FGFBP3: variants seen among roughly 807,000 people sequenced by gnomAD.
FGFBP3 encodes the protein fibroblast growth factor binding protein 3, also known as fibroblast growth factor-binding protein 3.
In FGFBP3, 4 loss-of-function variants were observed where a neutral mutation model predicts 4.8. The observed-to-expected ratio is 0.83, with a 90% CI of 0.41 to 1.90. FGFBP3 has a LOEUF of 1.90. Among genes scored for constraint, FGFBP3 ranks in the 40% most tolerant of loss-of-function variants. The pLI is 0.03. For synonymous variants in FGFBP3, 215 were observed against 190.0 expected, an observed-to-expected ratio of 1.13 and a Z score of -1.08; for missense variants, 429 against 397.4, an observed-to-expected ratio of 1.08 and a Z score of -0.68.
chr10:91,907,836 A>C lies in FGFBP3; in HGVS notation c.*357T>G. 4.7e-6 allele frequency: 1 copy of C among 213,560 alleles called. No homozygotes were observed. The highest frequency in any genetic ancestry group is 9.1e-6 in the Non-Finnish European group (1 of 109,500). The allele number at this position is 213,560 out of a possible 1,614,324, so 13.2% of individuals were successfully genotyped here. ...GCATCCCCCTCCCCACATGGGACTC[A>C]CATCACTTTAGTCACTCTATCTCCC... On this transcript the variant is annotated 3_prime_UTR_variant, in exon 2 of 2. Transcript: ENST00000311575.
At position 91,908,568 on chromosome 10, in the gene FGFBP3, C is replaced by G; in HGVS notation, c.402G>C (p.Leu134Phe). ...CHDPAPLQAR[L>F]CAGKKGHGAE... ...CGCCGTGGCCCTTCTTGCCCGCGCA[C>G]AAGCGGGCCTGGAGCGGCGCGGGGT... Residue 134 changes from leucine (L) to phenylalanine (F), a missense_variant, in exon 2 of 2, where the codon TTG becomes TTC. Coordinates refer to ENST00000311575, the MANE Select transcript of FGFBP3 (RefSeq NM_152429.5). 2.1e-6 allele frequency: 3 copies of G among 1,396,930 alleles called. No individual in the cohort carries two copies. Among genetic ancestry groups the G allele is most frequent in the Non-Finnish European group, 2.8e-6 (3 of 1,082,908 alleles). 86.5% of individuals were successfully genotyped at this position (1,396,930 alleles called of 1,614,324 possible).
Position 91,908,912 on chromosome 10 carries a change from C to G in FGFBP3, c.58G>C (p.Gly20Arg). 1 of 1,604,388 alleles carries G rather than the reference C, an allele frequency of 6.2e-7. No homozygotes were observed. Among genetic ancestry groups the G allele is most frequent in the Non-Finnish European group, 8.5e-7 (1 of 1,177,388 alleles). The change falls in exon 2 of 2, where the codon GGT (glycine) becomes CGT (arginine). Residue 20 changes from glycine (G) to arginine (R), a missense_variant. Physicochemically the swap from Gly to Arg is moderately radical, Grantham distance 125 (BLOSUM62 -2). Coordinates refer to ENST00000311575, the MANE Select transcript of FGFBP3 (RefSeq NM_152429.5). The stretch of plus-strand genomic sequence containing the variant: ...CTCCGAGCAGCCGCGAGGAGGCAAC[C>G]ACTCAGCAGCAGCAGCAGCGACGGC... The part of the protein sequence containing the change: ...LSPSLLLLLS[G>R]CLLAAARREK...
Position 91,908,834 on chromosome 10 carries a change from C to A in FGFBP3, c.136G>T (p.Gly46Cys), listed in dbSNP as rs1457200773. 8.5e-6 allele frequency: 13 copies of A among 1,535,580 alleles called. No homozygotes were observed. Among genetic ancestry groups the A allele is most frequent in the Non-Finnish European group, 1.1e-5 (13 of 1,148,052 alleles). Residue 46 changes from glycine (G) to cysteine (C), a missense_variant, in exon 2 of 2, where the codon GGC (glycine) becomes TGC (cysteine). By Grantham distance (159) the Gly-to-Cys change is radical. Transcript: ENST00000311575. ...VAEPVPGPTGGSSGRFLSPEQ... is the reference protein window; with the variant it reads ...VAEPVPGPTGCSSGRFLSPEQ... ...GGGCTGAGGAAGCGACCCGAGGAGC[C>A]GCCAGTGGGCCCGGGGACCGGCTCC...
Position 91,908,198 on chromosome 10 carries a change from C to A in FGFBP3, c.772G>T (p.Gly258Cys), listed in dbSNP as rs1843313816. The A allele has an allele frequency of 2.5e-6, 4 of 1,595,980 alleles. No homozygotes were observed. The highest frequency in any genetic ancestry group is 3.5e-5 in the Admixed American group (2 of 57,708). Residue 258 changes from glycine to cysteine, a missense_variant, in exon 2 of 2, where the codon GGC (glycine) becomes TGC (cysteine). By Grantham distance (159) the Gly-to-Cys change is radical. Transcript: ENST00000311575. ...CCCTAAGCCGGCAGGCAGTCTCAGC[C>A]GTTCCAGAAATTGACAAAGAAGTTG... The part of the protein sequence containing the change: ...LCNFFVNFWN[G>C]
Position 91,908,607 on chromosome 10 carries a change from C to A in FGFBP3, c.363G>T (p.Arg121=). Residue 121 remains arginine, a synonymous_variant, in exon 2 of 2, where the codon CGG becomes CGT. Transcript: ENST00000311575. Reference sequence around the variant, plus strand: ...GCGGCGCGGGGTCGTGACAGGGCCTCCGCTTCTTGCGCAGCCCTCCCAGCA... The same window carrying A: ...GCGGCGCGGGGTCGTGACAGGGCCTACGCTTCTTGCGCAGCCCTCCCAGCA... The part of the protein sequence containing the change: ...KQVLGGLRKK[R]RPCHDPAPLQ... 1 of 1,428,344 alleles carries A rather than the reference C, an allele frequency of 7.0e-7. No homozygotes were observed. The highest frequency in any genetic ancestry group is 9.1e-7 in the Non-Finnish European group (1 of 1,096,292). The allele number at this position is 1,428,344 out of a possible 1,614,324, so 88.5% of individuals were successfully genotyped here.
In FGFBP3 at chr10:91,908,887, C is replaced by T; in HGVS notation, c.83G>A (p.Arg28Lys). 1 of 1,592,628 alleles carries T rather than the reference C, an allele frequency of 6.3e-7. No individual in the cohort carries two copies. Reference sequence around the variant, plus strand: ...CACGTTGCTAGCCGCCCCTTTCTCCCTCCGAGCAGCCGCGAGGAGGCAACC... The same window carrying T: ...CACGTTGCTAGCCGCCCCTTTCTCCTTCCGAGCAGCCGCGAGGAGGCAACC... ...LSGCLLAAARREKGAASNVAE... is the reference protein window; with the variant it reads ...LSGCLLAAARKEKGAASNVAE... The change falls in exon 2 of 2, where the codon AGG becomes AAG. Residue 28 changes from arginine (R) to lysine (K), a missense_variant. Coordinates refer to ENST00000311575, the MANE Select transcript of FGFBP3 (RefSeq NM_152429.5).
chr10:91,908,093 T>G lies in FGFBP3; in HGVS notation c.*100A>C. On this transcript the variant is annotated 3_prime_UTR_variant, in exon 2 of 2. Coordinates refer to ENST00000311575, the MANE Select transcript of FGFBP3 (RefSeq NM_152429.5). ...CCACCCCCATTCGAGAACCTGGACTTCTCCCCAATCTCTATCACAGTACCC... is the reference window on the plus strand; with the variant it reads ...CCACCCCCATTCGAGAACCTGGACTGCTCCCCAATCTCTATCACAGTACCC... The G allele has an allele frequency of 7.4e-7, 1 of 1,354,884 alleles. No homozygotes were observed. Among genetic ancestry groups the G allele is most frequent in the Non-Finnish European group, 9.8e-7 (1 of 1,025,236 alleles). The allele number at this position is 1,354,884 out of a possible 1,614,324, so 83.9% of individuals were successfully genotyped here.
Position 91,908,107 on chromosome 10 carries a change from A to G in FGFBP3, c.*86T>C, listed in dbSNP as rs1298097426. ...GAACCTGGACTTCTCCCCAATCTCT[A>G]TCACAGTACCCCCCGGTCTAAGACG... On this transcript the variant is annotated 3_prime_UTR_variant, in exon 2 of 2. Transcript: ENST00000311575. The G allele has an allele frequency of 6.9e-7, 1 of 1,446,478 alleles. No individual in the cohort carries two copies. The highest frequency in any genetic ancestry group is 1.5e-5 in the African/African-American group (1 of 66,114). 89.6% of individuals were successfully genotyped at this position (1,446,478 alleles called of 1,614,324 possible).
In FGFBP3 at chr10:91,906,987, T is replaced by C. The variant is rs1843303732; in HGVS notation, c.*1206A>G. 1 of 152,092 alleles carries C rather than the reference T, an allele frequency of 6.6e-6. No homozygotes were observed. The highest frequency in any genetic ancestry group is 2.4e-5 in the African/African-American group (1 of 41,396). 9.4% of individuals were successfully genotyped at this position (152,092 alleles called of 1,614,324 possible). On this transcript the variant is annotated 3_prime_UTR_variant, in exon 2 of 2. Coordinates refer to ENST00000311575, the MANE Select transcript of FGFBP3 (RefSeq NM_152429.5). ...TACATCACACTAAAAATGAAATATA[T>C]TAATAATTAGTTACATGAAACAGAG...
Position 91,907,836 on chromosome 10 carries a change from A to T in FGFBP3, c.*357T>A. 1 of 213,558 alleles carries T rather than the reference A, an allele frequency of 4.7e-6. No individual in the cohort carries two copies. Among genetic ancestry groups the T allele is most frequent in the Non-Finnish European group, 9.1e-6 (1 of 109,500 alleles). The allele number at this position is 213,558 out of a possible 1,614,324, so 13.2% of individuals were successfully genotyped here. On this transcript the variant is annotated 3_prime_UTR_variant, in exon 2 of 2. Transcript: ENST00000311575. ...GCATCCCCCTCCCCACATGGGACTC[A>T]CATCACTTTAGTCACTCTATCTCCC... is the stretch of plus-strand genomic sequence containing the variant.
rs751360927 is a variant in FGFBP3, at chr10:91,908,265, C to A, written c.705G>T (p.Glu235Asp). The change falls in exon 2 of 2, where the codon GAG (glutamate) becomes GAT (aspartate). Residue 235 changes from glutamate (E) to aspartate (D), a missense_variant. Physicochemically the swap from Glu to Asp is conservative, Grantham distance 45 (BLOSUM62 2). Coordinates refer to ENST00000311575, the MANE Select transcript of FGFBP3 (RefSeq NM_152429.5). ...TCTCAGCGCAGTAGGTCTCCGTGAG[C>A]TCCGCGTTCCCGTCCAGCCCGTCGG... ...PDPDGLDGNA[E>D]LTETYCAEKW... is the part of the protein sequence containing the mutation. The A allele has an allele frequency of 5.0e-6, 8 of 1,605,590 alleles. No homozygotes were observed. In the South Asian group the frequency reaches 8.9e-5, roughly 18 times the overall value.
intron 1 of FGFBP3, 167 bp downstream of exon 1, chr10:91,909,231 A>C: frequency 2.1e-6 from 1 of 481,400 alleles, no homozygotes; most frequent in Non-Finnish European, 3.6e-6. Context: ...CCATGTATGC[A>C]TTGAGATTTT....
In FGFBP3 at chr10:91,908,031, C is replaced by G. The variant is rs1204255806; in HGVS notation, c.*162G>C. Reference sequence around the variant, plus strand: ...TCCCAGAGATTCTCCATACCCCTTACACTCTCATCCCAAGCATCTCACCCT... The same window carrying G: ...TCCCAGAGATTCTCCATACCCCTTAGACTCTCATCCCAAGCATCTCACCCT... On this transcript the variant is annotated 3_prime_UTR_variant, in exon 2 of 2. Transcript: ENST00000311575. The G allele has an allele frequency of 1.1e-5, 8 of 752,878 alleles. No individual in the cohort carries two copies. The East Asian group carries it at 2.6e-4, about 24-fold the overall frequency. 46.6% of individuals were successfully genotyped at this position (752,878 alleles called of 1,614,324 possible).
rs983394739 is a variant in FGFBP3, at chr10:91,908,641, C to G, written c.329G>C (p.Trp110Ser). The stretch of plus-strand genomic sequence containing the variant: ...GCGCAGCCCTCCCAGCACCTGCTTC[C>G]AGAAGTGCGCGCGGCGAGCGGCGTA... Reference protein sequence around the residue: ...AAYAARRAHFWKQVLGGLRKK... With the variant: ...AAYAARRAHFSKQVLGGLRKK... The change falls in exon 2 of 2, where the codon TGG (tryptophan) becomes TCG (serine). Residue 110 changes from tryptophan (W) to serine (S), a missense_variant. Transcript: ENST00000311575. The G allele has an allele frequency of 1.4e-6, 2 of 1,436,746 alleles. No individual in the cohort carries two copies. The allele number at this position is 1,436,746 out of a possible 1,614,324, so 89.0% of individuals were successfully genotyped here.
In FGFBP3 at chr10:91,908,298, C is replaced by A. The variant is rs756988127; in HGVS notation, c.672G>T (p.Gly224=). Residue 224 remains glycine, a synonymous_variant, in exon 2 of 2, where the codon GGG becomes GGT. Transcript: ENST00000311575. ...TCCCGTCCAGCCCGTCGGGGTCGGG[C>A]CCGGTCCCCATGGGTCGCTCCTCGT... ...VPNEERPMGT[G]PDPDGLDGNA... The A allele has an allele frequency of 6.2e-7, 1 of 1,603,564 alleles. No individual in the cohort carries two copies. Among genetic ancestry groups the A allele is most frequent in the Non-Finnish European group, 8.5e-7 (1 of 1,175,240 alleles).
At chr10:91,909,224 T>C (rs1013804987) in intron 1 of FGFBP3, 174 bp downstream of exon 1, 5 of 487,874 alleles carry the variant, frequency 1.0e-5, no homozygotes, top group African/African-American at 1.0e-4. Context: ...TTTCGAACCA[T>C]GTATGCATTG....
Position 91,908,894 on chromosome 10 carries a change from C to G in FGFBP3, c.76G>C (p.Ala26Pro), listed in dbSNP as rs1421809801. The G allele has an allele frequency of 1.9e-6, 3 of 1,596,506 alleles. No homozygotes were observed. The highest frequency in any genetic ancestry group is 2.6e-6 in the Non-Finnish European group (3 of 1,175,042). ...LLLSGCLLAAARREKGAASNV... is the reference protein window; with the variant it reads ...LLLSGCLLAAPRREKGAASNV... ...CTAGCCGCCCCTTTCTCCCTCCGAG[C>G]AGCCGCGAGGAGGCAACCACTCAGC... Residue 26 changes from alanine to proline, a missense_variant, in exon 2 of 2, where the codon GCT becomes CCT. Ala to Pro is a conservative substitution (Grantham distance 27, BLOSUM62 -1). Coordinates refer to ENST00000311575, the MANE Select transcript of FGFBP3 (RefSeq NM_152429.5).
At position 91,908,169 on chromosome 10, in the gene FGFBP3, C is replaced by A; in HGVS notation, c.*24G>T. ...CCCTTCCCCACGCCTCCCCCATCAA[C>A]CCTCCCTAAGCCGGCAGGCAGTCTC... On this transcript the variant is annotated 3_prime_UTR_variant, in exon 2 of 2. Transcript: ENST00000311575. 1 of 1,589,904 alleles carries A rather than the reference C, an allele frequency of 6.3e-7. No individual in the cohort carries two copies. The highest frequency in any genetic ancestry group is 2.4e-5 in the East Asian group (1 of 42,232).
At position 91,908,452 on chromosome 10, in the gene FGFBP3, C is replaced by G. The variant is rs751166125; in HGVS notation, c.518G>C (p.Arg173Pro). 4.4e-4 allele frequency: 649 copies of G among 1,465,796 alleles called. No homozygotes were observed. The highest frequency in any genetic ancestry group is 5.5e-4 in the Non-Finnish European group (610 of 1,115,258). The allele number at this position is 1,465,796 out of a possible 1,614,324, so 90.8% of individuals were successfully genotyped here. A position where few individuals can be genotyped will look rare whatever the true frequency, so the allele number is the denominator to read the frequency against. Residue 173 changes from arginine (R) to proline (P), a missense_variant, in exon 2 of 2, where the codon CGG (arginine) becomes CCG (proline). Transcript: ENST00000311575. The stretch of plus-strand genomic sequence containing the variant: ...GGACGCACGCTCCCGGGTCCGCCCC[C>G]GGTTCCGGGCCCGGGGCTTGGACTC... ...AGESKPRARNRGRTRERASGP... is the reference protein window; with the variant it reads ...AGESKPRARNPGRTRERASGP...
Sources: gnomAD v4.1 joint callset for allele counts on GRCh38, gnomAD v4.1.1 for gene constraint, MANE v1.5 for transcripts, NCBI Gene and HGNC (gene_info 2026-07-23, HGNC 2026-07-21) for gene names.